The following CDH9 variants were observed in gnomAD, a reference collection of about 807,000 sequenced individuals.
The protein encoded by CDH9 is cadherin 9, also known as cadherin-9.
CDH9 carries 28 observed loss-of-function variants against 70.9 expected under a neutral mutation model. That is an observed-to-expected ratio of 0.40 (90% CI 0.29 to 0.54). CDH9 has a LOEUF of 0.54. Among genes scored for constraint, CDH9 ranks in the 20% least tolerant of loss-of-function variants. The pLI is 0.59. For synonymous variants in CDH9, 409 were observed against 343.1 expected (o/e 1.19, Z -2.12); for missense variants, 874 against 984.4 (o/e 0.89, Z 1.50).
At chr5:26,931,614 C>G (rs1741463606) in intron 2 of CDH9, among the ~76,000 whole-genome samples, 1 of 151,978 alleles carries the variant, frequency 6.6e-6, no homozygotes, top group South Asian at 2.1e-4. Context: ...CCCACTTAAA[C>G]AAAGCTTAAA....
At chr5:27,011,906 G>T (rs1742965802) in intron 1 of CDH9, among the ~76,000 whole-genome samples, 2 of 151,746 alleles carry the variant, frequency 1.3e-5, no homozygotes, top group African/African-American at 4.8e-5. Context: ...AATAAGATTT[G>T]TTATAATAAT....
At chr5:26,972,646 A>T (rs924352273) in intron 2 of CDH9, among the ~76,000 whole-genome samples, 3 of 152,124 alleles carry the variant, frequency 2.0e-5, no homozygotes, top group Non-Finnish European at 4.4e-5. Context: ...TAAAGGATCA[A>T]CTGTACTTTC....
At chr5:26,989,516 C>G (rs968755824) in intron 1 of CDH9, among the ~76,000 whole-genome samples, 1 of 151,328 alleles carries the variant, frequency 6.6e-6, no homozygotes, top group East Asian at 1.9e-4. Context: ...CTGTCTCTCT[C>G]TCTCTCTCTC....
intron 2 of CDH9, among the ~76,000 whole-genome samples, chr5:26,948,668 T>C (rs1257143748): frequency 6.6e-6 from 1 of 152,212 alleles, no homozygotes; most frequent in African/African-American, 2.4e-5. Flanking sequence ...AGGTTCCTGT[T>C]ATTAATATAT....
At chr5:26,942,286 A>T (rs2112036824) in intron 2 of CDH9, among the ~76,000 whole-genome samples, 1 of 152,168 alleles carries the variant, frequency 6.6e-6, no homozygotes, top group Non-Finnish European at 1.5e-5. Flanking sequence ...CCCACAATTC[A>T]ATTACTTCCC....
At chr5:26,912,463 C>T (rs1741070410) in intron 3 of CDH9, among the ~76,000 whole-genome samples, 1 of 150,600 alleles carries the variant, frequency 6.6e-6, no homozygotes, top group Non-Finnish European at 1.5e-5. Context: ...TATTTAGACA[C>T]ATTTATATGG....
chr5:26,909,524 A>G (rs1246128277), intron 3 of CDH9, among the ~76,000 whole-genome samples: 1 of 150,064 alleles, frequency 6.7e-6, no homozygotes, highest in South Asian at 2.1e-4. Context: ...CGATTTTGAG[A>G]CCATTTTTTT....
chr5:26,957,054 G>A (rs79856728), intron 2 of CDH9, among the ~76,000 whole-genome samples: 1 of 144,480 alleles, frequency 6.9e-6, no homozygotes, highest in East Asian at 2.0e-4. Context: ...GATACCCTGA[G>A]TATTTATTTT....
chr5:26,911,029 T>C (rs1741043957), intron 3 of CDH9, among the ~76,000 whole-genome samples: 1 of 152,212 alleles, frequency 6.6e-6, no homozygotes, highest in South Asian at 2.1e-4. Flanking sequence ...AAGTTTATTT[T>C]ACTGTGAAAT....
intron 11 of CDH9, among the ~76,000 whole-genome samples, chr5:26,883,040 CTTATAT>C (rs1233185234): frequency 1.4e-3 from 39 of 28,368 alleles, no homozygotes; most frequent in African/African-American, 4.9e-3. Flanking sequence ...TCAGGATCAT[CTTATAT>C]ATATATATAT....
At chr5:27,016,307 T>C (rs554493575) in intron 1 of CDH9, among the ~76,000 whole-genome samples, 3 of 151,944 alleles carry the variant, frequency 2.0e-5, no homozygotes, top group African/African-American at 7.2e-5. Context: ...AAATAGACTG[T>C]ACTGGGTTGA....
At chr5:26,886,458 A>G (rs974785773) in intron 9 of CDH9, among the ~76,000 whole-genome samples, 2 of 152,108 alleles carry the variant, frequency 1.3e-5, no homozygotes, top group Non-Finnish European at 2.9e-5. Flanking sequence ...TCCACTAGAC[A>G]ATAATTCTTC....
At chr5:26,891,555 G>C (rs989706226) in intron 7 of CDH9, among the ~76,000 whole-genome samples, 9 of 152,204 alleles carry the variant, frequency 5.9e-5, no homozygotes, top group Admixed American at 5.9e-4. Flanking sequence ...GCAGACACCT[G>C]TAATCCCAGC....
chr5:26,978,847 T>C (rs1029881421), intron 2 of CDH9, among the ~76,000 whole-genome samples: 6 of 151,838 alleles, frequency 4.0e-5, no homozygotes, highest in African/African-American at 1.4e-4. Flanking sequence ...ACAACAATTT[T>C]AAGTGCTAAA....
At chr5:26,932,099 T>G (rs373082810) in intron 2 of CDH9, among the ~76,000 whole-genome samples, 1 of 149,812 alleles carries the variant, frequency 6.7e-6, no homozygotes, top group Non-Finnish European at 1.5e-5. Flanking sequence ...TATTTAGAAG[T>G]GTTATTACTT....
chr5:26,898,153 A>T (rs1740786100), intron 7 of CDH9, among the ~76,000 whole-genome samples: 1 of 152,144 alleles, frequency 6.6e-6, no homozygotes, highest in Non-Finnish European at 1.5e-5. Flanking sequence ...ACTACAAATC[A>T]CTGCTCAAAG....
chr5:27,004,967 G>A (rs1742834851), intron 1 of CDH9, among the ~76,000 whole-genome samples: 1 of 151,940 alleles, frequency 6.6e-6, no homozygotes, highest in Non-Finnish European at 1.5e-5. Context: ...AGTATCAATG[G>A]AGAGCAACAA....
chr5:26,995,557 T>A (rs1742651468), intron 1 of CDH9, among the ~76,000 whole-genome samples: 1 of 152,156 alleles, frequency 6.6e-6, no homozygotes, highest in African/African-American at 2.4e-5. Flanking sequence ...TATTTTTCAT[T>A]TAGAGAACAT....
At chr5:26,900,063 T>C (rs1740827311) in intron 7 of CDH9, among the ~76,000 whole-genome samples, 1 of 152,056 alleles carries the variant, frequency 6.6e-6, no homozygotes, top group Non-Finnish European at 1.5e-5. Flanking sequence ...AACAACTTTA[T>C]GTTAATACAT....
Sources: gnomAD v4.1 joint callset for allele counts (sites outside exome capture counted in the v4.1 genomes callset) on GRCh38, gnomAD v4.1.1 for gene constraint, MANE v1.5 for transcripts, NCBI Gene and HGNC (gene_info 2026-07-23, HGNC 2026-07-21) for gene names.